The following L3MBTL3 variants were observed in gnomAD, a reference collection of about 807,000 sequenced individuals.
L3MBTL3 encodes L3MBTL histone methyl-lysine binding protein 3.
Under a neutral mutation model 102.3 loss-of-function variants are expected in L3MBTL3, and 27 were observed. The observed-to-expected ratio is 0.26, with a 90% CI of 0.19 to 0.36. The LOEUF (loss-of-function observed/expected upper bound fraction) is 0.36, where lower values mean the gene tolerates loss of function less well. L3MBTL3 is among the 10% of genes least tolerant of loss of function. The pLI, the probability that L3MBTL3 is intolerant of heterozygous loss-of-function variation, is 1.00. For synonymous variants in L3MBTL3, 340 were observed against 320.9 expected, an observed-to-expected ratio of 1.06 and a Z score of -0.64; for missense variants, 798 against 955.3, an observed-to-expected ratio of 0.84 and a Z score of 2.17.
rs190038383 is a variant in L3MBTL3, at chr6:130,059,057, G to T, written c.760-979G>T. ...TATTTTCTGTAGCTTTGGTCCTTTA[G>T]AGAAGAGACTTTTTCACATTAAAAA... On this transcript the variant is annotated intron_variant, in intron 9 of 22. Transcript: ENST00000361794. 1.4e-3 allele frequency among the ~76,000 whole-genome samples: 179 copies of T among 129,438 alleles called. 1 individual carries two copies. Among genetic ancestry groups the T allele is most frequent in the African/African-American group, 4.2e-3 (167 of 40,156 alleles). The allele number at this position is 129,438 out of a possible 152,430, so 84.9% of individuals were successfully genotyped here. A position where few individuals can be genotyped will look rare whatever the true frequency, so the allele number is the denominator to read the frequency against.
In L3MBTL3 at chr6:130,055,159, T is replaced by C; in HGVS notation, c.583-12T>C. The C allele has an allele frequency of 6.2e-7, 1 of 1,610,612 alleles. No homozygotes were observed. Among genetic ancestry groups the C allele is most frequent in the Non-Finnish European group, 8.5e-7 (1 of 1,176,890 alleles). The stretch of plus-strand genomic sequence containing the variant: ...TGAACTTTAAAGTCATAATTTTCCT[T>C]TCTTTTTGTAGGAGAACAAACAAGA... On this transcript the variant is annotated splice_polypyrimidine_tract_variant and intron_variant, in intron 7 of 22. Transcript: ENST00000361794.
chr6:130,116,756 A>G (rs58609198), intron 19 of L3MBTL3, among the ~76,000 whole-genome samples: 2,619 of 152,160 alleles, frequency 0.017, 73 homozygotes, highest in African/African-American at 0.06. Flanking sequence ...ATCTCTTAAA[A>G]AAAAAAAATC....
chr6:130,034,280 GCCAGTC>G (rs1392912545), intron 2 of L3MBTL3, among the ~76,000 whole-genome samples: 22 of 152,176 alleles, frequency 1.4e-4, no homozygotes, highest in African/African-American at 5.1e-4. Context: ...AATGTCCGCA[GCCAGTC>G]ACGATTCTCA....
At chr6:130,019,018 G>A (rs1169975848) in intron 1 of L3MBTL3, among the ~76,000 whole-genome samples, 2 of 151,974 alleles carry the variant, frequency 1.3e-5, no homozygotes, top group African/African-American at 2.4e-5. Context: ...ATGGGGGGAG[G>A]AGAGACTTGT....
At chr6:130,080,962 G>C (rs12202273) in intron 14 of L3MBTL3, among the ~76,000 whole-genome samples, 2,684 of 152,284 alleles carry the variant, frequency 0.018, 45 homozygotes, top group Non-Finnish European at 0.03. Context: ...TGATCTGTCT[G>C]AAAAGAAGGA....
intron 18 of L3MBTL3, among the ~76,000 whole-genome samples, chr6:130,101,288 GA>G (rs1300187148): frequency 1.3e-5 from 2 of 152,158 alleles, no homozygotes; most frequent in African/African-American, 4.8e-5. Flanking sequence ...TTTTTGGGTG[GA>G]GGGGCGTGAT....
At chr6:130,097,498 A>C (rs1784432378) in intron 18 of L3MBTL3, among the ~76,000 whole-genome samples, 1 of 152,224 alleles carries the variant, frequency 6.6e-6, no homozygotes, top group Non-Finnish European at 1.5e-5. Context: ...ATTTGATCTA[A>C]GAAGTGTTAA....
intron 16 of L3MBTL3, among the ~76,000 whole-genome samples, chr6:130,091,480 C>T (rs554464875): frequency 3.9e-5 from 6 of 151,956 alleles, no homozygotes; most frequent in African/African-American, 9.7e-5. Flanking sequence ...AAAACATGGT[C>T]GATTCCTAGT....
At chr6:130,039,560 T>C (rs2114661380) in intron 2 of L3MBTL3, among the ~76,000 whole-genome samples, 1 of 151,702 alleles carries the variant, frequency 6.6e-6, no homozygotes, top group East Asian at 1.9e-4. Flanking sequence ...TTTTCACTTC[T>C]AAAAATGGTT....
At chr6:130,057,305 G>A in intron 8 of L3MBTL3, 101 bp from the exon 9 acceptor site, 1 of 859,756 alleles carries the variant, frequency 1.2e-6, no homozygotes. Context: ...AGTCAGAGAA[G>A]AGCCAGGCAG....
chr6:130,123,717 G>A (rs902143789), intron 20 of L3MBTL3, among the ~76,000 whole-genome samples: 1 of 152,090 alleles, frequency 6.6e-6, no homozygotes, highest in Non-Finnish European at 1.5e-5. Flanking sequence ...GAACCATTTT[G>A]TATGAAAGAG....
chr6:130,102,076 C>G (rs1246044419), intron 18 of L3MBTL3, among the ~76,000 whole-genome samples: 1 of 151,778 alleles, frequency 6.6e-6, no homozygotes, highest in Non-Finnish European at 1.5e-5. Flanking sequence ...AAATCATCTT[C>G]TCCTTAGTCA....
intron 18 of L3MBTL3, among the ~76,000 whole-genome samples, chr6:130,100,350 C>T (rs1363060874): frequency 6.6e-6 from 1 of 152,124 alleles, no homozygotes; most frequent in Non-Finnish European, 1.5e-5. Flanking sequence ...CATGCATGTC[C>T]AGTCACCTGA....
intron 16 of L3MBTL3, among the ~76,000 whole-genome samples, chr6:130,087,824 G>T (rs1483894844): frequency 2.0e-5 from 3 of 151,432 alleles, no homozygotes; most frequent in African/African-American, 7.3e-5. Context: ...TTTACATTAT[G>T]TTATGATATC....
Position 130,138,650 on chromosome 6 carries a change from A to G in L3MBTL3, c.2200-960A>G, listed in dbSNP as rs567170771. On this transcript the variant is annotated intron_variant, in intron 22 of 22. Transcript: ENST00000361794. The stretch of plus-strand genomic sequence containing the variant: ...GGACATCAATATACGAATTTTTGTG[A>G]CAGGGACACCATTCAACCCATAACG... Among the ~76,000 whole-genome samples, 9 of 152,302 alleles carry G rather than the reference A, an allele frequency of 5.9e-5. No homozygotes were observed. The South Asian group carries it at 1.7e-3, about 28-fold the overall frequency.
At chr6:130,136,186 A>G (rs1453881302) in intron 22 of L3MBTL3, among the ~76,000 whole-genome samples, 1 of 152,100 alleles carries the variant, frequency 6.6e-6, no homozygotes, top group Non-Finnish European at 1.5e-5. Context: ...TTGCTCCTCT[A>G]CAGTCTATTC....
intron 2 of L3MBTL3, among the ~76,000 whole-genome samples, chr6:130,037,726 T>G (rs1780148369): frequency 6.6e-6 from 1 of 152,180 alleles, no homozygotes; most frequent in African/African-American, 2.4e-5. Context: ...AATGATCCAG[T>G]CAAGGTAATT....
intron 14 of L3MBTL3, among the ~76,000 whole-genome samples, chr6:130,080,203 A>G (rs1242828636): frequency 6.6e-6 from 1 of 151,884 alleles, no homozygotes; most frequent in South Asian, 2.1e-4. Flanking sequence ...GCAGTCAGCC[A>G]GCTATGATTA....
chr6:130,111,116 A>G (rs951729566), intron 19 of L3MBTL3, among the ~76,000 whole-genome samples: 3 of 152,294 alleles, frequency 2.0e-5, no homozygotes, highest in Non-Finnish European at 4.4e-5. Context: ...CAAGGATTTA[A>G]TTGCAAGTAG....
Sources: allele counts gnomAD v4.1 joint callset (sites outside exome capture counted in the v4.1 genomes callset), GRCh38; gene constraint gnomAD v4.1.1; transcripts MANE v1.5; gene names NCBI Gene and HGNC (gene_info 2026-07-23, HGNC 2026-07-21).